Variants in CNTNAP4 observed in about 807,000 individuals in gnomAD.
The protein encoded by CNTNAP4 is contactin-associated protein-like 4.
CNTNAP4 carries 98 observed loss-of-function variants against 148.4 expected under a neutral mutation model. The observed-to-expected ratio is 0.66, with a 90% CI of 0.56 to 0.78. The LOEUF (loss-of-function observed/expected upper bound fraction) is 0.78. Ranked by LOEUF, CNTNAP4 falls within the 30% of genes least tolerant of loss-of-function variation. The pLI is 0.00. For missense variants in CNTNAP4, 1,935 were observed against 1,565.6 expected, an observed-to-expected ratio of 1.24 and a Z score of -3.98; for synonymous variants, 730 against 565.1, an observed-to-expected ratio of 1.29 and a Z score of -4.14.
intron 13 of CNTNAP4, among the ~76,000 whole-genome samples, chr16:76,494,617 C>T (rs1246415198): frequency 6.6e-6 from 1 of 152,070 alleles, no homozygotes; most frequent in Non-Finnish European, 1.5e-5. Flanking sequence ...ATGTGAGCTG[C>T]TCTCAATTCA....
At chr16:76,414,026 C>T (rs1006109314) in intron 3 of CNTNAP4, among the ~76,000 whole-genome samples, 2 of 151,294 alleles carry the variant, frequency 1.3e-5, no homozygotes, top group African/African-American at 2.4e-5. Context: ...TTCTTCCTTT[C>T]CAATCCTACT....
At chr16:76,546,222 G>A (rs2084724463) in intron 21 of CNTNAP4, among the ~76,000 whole-genome samples, 1 of 152,158 alleles carries the variant, frequency 6.6e-6, no homozygotes. Context: ...GCACTATGCA[G>A]CCACAACAAG....
rs762747845 is a variant in CNTNAP4, at chr16:76,553,451, C to G, written c.3611C>G (p.Ala1204Gly). 2 of 1,612,468 alleles carry G rather than the reference C, an allele frequency of 1.2e-6. No homozygotes were observed. The highest frequency in any genetic ancestry group is 1.1e-5 in the South Asian group (1 of 90,588). The change falls in exon 22 of 24, where the codon GCC (alanine) becomes GGC (glycine). Residue 1204 changes from alanine to glycine, a missense_variant. By Grantham distance (60) the Ala-to-Gly change is moderately conservative. Coordinates refer to ENST00000611870, the MANE Select transcript of CNTNAP4 (RefSeq NM_033401.5). ...CACGTGACTGAGTCCAGCTGTATGGCCCAGCCTGGCACTGATGCCACATCA... is the reference window on the plus strand; with the variant it reads ...CACGTGACTGAGTCCAGCTGTATGGGCCAGCCTGGCACTGATGCCACATCA... ...TGHVTESSCM[A>G]QPGTDATSRE...
At chr16:76,380,129 G>A (rs1426546027) in intron 3 of CNTNAP4, among the ~76,000 whole-genome samples, 1 of 152,134 alleles carries the variant, frequency 6.6e-6, no homozygotes, top group Non-Finnish European at 1.5e-5. Context: ...CAATTATGCT[G>A]GAAAATGTGT....
intron 15 of CNTNAP4, among the ~76,000 whole-genome samples, chr16:76,510,469 C>CTTTTTT (rs58556090): frequency 6.7e-6 from 1 of 149,274 alleles, no homozygotes. Context: ...TCCATGTATG[C>CTTTTTT]TTTTTTTTTT....
chr16:76,382,284 T>G (rs532216317), intron 3 of CNTNAP4, among the ~76,000 whole-genome samples: 157 of 152,242 alleles, frequency 1.0e-3, no homozygotes, highest in African/African-American at 3.6e-3. Context: ...ATTTGTTGTT[T>G]ATTTCAACTA....
chr16:76,522,268 T>A lies in CNTNAP4; in HGVS notation c.2755+11T>A, dbSNP rs372602288. 6.2e-6 allele frequency: 10 copies of A among 1,610,396 alleles called. No individual in the cohort carries two copies. In the African/African-American group the frequency reaches 8.0e-5, roughly 13 times the overall value. On this transcript the variant is annotated intron_variant, in intron 17 of 23. Coordinates refer to ENST00000611870, the MANE Select transcript of CNTNAP4 (RefSeq NM_033401.5). ...GTCAGCTCTTCGTGGGTAAGTTCTC[T>A]TTTTAAGCAATCATTTTATTGTATG...
intron 2 of CNTNAP4, among the ~76,000 whole-genome samples, chr16:76,336,176 A>T (rs1185598632): frequency 3.3e-5 from 5 of 152,182 alleles, no homozygotes; most frequent in African/African-American, 4.8e-5. Context: ...TAGGAACTAA[A>T]AATAGAAAAT....
chr16:76,516,360 G>T lies in CNTNAP4; in HGVS notation c.2366-4780G>T, dbSNP rs1233050398. 2.0e-5 allele frequency among the ~76,000 whole-genome samples: 3 copies of T among 152,110 alleles called. No homozygotes were observed. In the South Asian group the frequency reaches 6.2e-4, roughly 32 times the overall value. ...TCTATCATTGATGGGCATTTGGGTGGGTTCCAAGTCTTTGCCATTGTAAAT... is the reference window on the plus strand; with the variant it reads ...TCTATCATTGATGGGCATTTGGGTGTGTTCCAAGTCTTTGCCATTGTAAAT... On this transcript the variant is annotated intron_variant, in intron 15 of 23. Coordinates refer to ENST00000611870, the MANE Select transcript of CNTNAP4 (RefSeq NM_033401.5).
At chr16:76,348,856 C>CAAAA (rs1490370843) in intron 2 of CNTNAP4, among the ~76,000 whole-genome samples, 166 of 14,262 alleles carry the variant, frequency 0.012, 1 homozygote, top group Non-Finnish European at 0.017. Flanking sequence ...TTAAAAGAAG[C>CAAAA]CAAAAAAAAA....
At chr16:76,435,024 G>A (rs1312660392) in intron 4 of CNTNAP4, among the ~76,000 whole-genome samples, 1 of 152,150 alleles carries the variant, frequency 6.6e-6, no homozygotes, top group Non-Finnish European at 1.5e-5. Context: ...CCTTTCCCCA[G>A]TGCACAGTTA....
chr16:76,492,194 T>A (rs1259151302), intron 13 of CNTNAP4, among the ~76,000 whole-genome samples: 1 of 152,220 alleles, frequency 6.6e-6, no homozygotes, highest in Non-Finnish European at 1.5e-5. Context: ...ACAGAATGAT[T>A]ACTATAGTTA....
chr16:76,351,487 C>T (rs984925497), intron 2 of CNTNAP4, among the ~76,000 whole-genome samples: 1 of 152,214 alleles, frequency 6.6e-6, no homozygotes, highest in African/African-American at 2.4e-5. Context: ...GCCTAACACT[C>T]TATCACACGC....
At chr16:76,489,223 A>G (rs934357062) in intron 12 of CNTNAP4, among the ~76,000 whole-genome samples, 1 of 152,158 alleles carries the variant, frequency 6.6e-6, no homozygotes, top group African/African-American at 2.4e-5. Flanking sequence ...GAATTCTAAT[A>G]TACATTTTTT....
In CNTNAP4 at chr16:76,489,715, G is replaced by A. The variant is rs774520298; in HGVS notation, c.1912G>A (p.Gly638Ser). 1.2e-5 allele frequency: 20 copies of A among 1,602,146 alleles called. No individual in the cohort carries two copies. Among genetic ancestry groups the A allele is most frequent in the Admixed American group, 6.8e-5 (4 of 58,992 alleles). The change falls in exon 13 of 24, where the codon GGC becomes AGC. Residue 638 changes from glycine to serine, a missense_variant. Gly to Ser is a moderately conservative substitution (Grantham distance 56). Transcript: ENST00000611870. ...ETAWTIIQHN[G>S]SDLTRVRNTN... Reference sequence around the variant, plus strand: ...TGCATGGACCATCATACAGCACAACGGCTCTGACTTAACAAGAGTCAGAAA... The same window carrying A: ...TGCATGGACCATCATACAGCACAACAGCTCTGACTTAACAAGAGTCAGAAA...
chr16:76,512,186 G>T (rs985726240), intron 15 of CNTNAP4, among the ~76,000 whole-genome samples: 1 of 152,040 alleles, frequency 6.6e-6, no homozygotes, highest in Non-Finnish European at 1.5e-5. Context: ...GAAACCTGGT[G>T]GTCAGATCAG....
At chr16:76,516,250 C>G (rs188134766) in intron 15 of CNTNAP4, among the ~76,000 whole-genome samples, 1 of 152,130 alleles carries the variant, frequency 6.6e-6, no homozygotes, top group South Asian at 2.1e-4. Context: ...GATTCATCCA[C>G]GTCCCTGCAA....
chr16:76,543,672 A>G (rs1333400353), intron 21 of CNTNAP4, among the ~76,000 whole-genome samples: 1 of 151,904 alleles, frequency 6.6e-6, no homozygotes, highest in Non-Finnish European at 1.5e-5. Context: ...CATTGAGTTA[A>G]AGTCAGCCTC....
chr16:76,510,349 A>C (rs1326745210), intron 15 of CNTNAP4, among the ~76,000 whole-genome samples: 1 of 152,134 alleles, frequency 6.6e-6, no homozygotes, highest in Non-Finnish European at 1.5e-5. Flanking sequence ...TTTATGACCA[A>C]ATAATACTCC....
Sources: allele counts gnomAD v4.1 joint callset (sites outside exome capture counted in the v4.1 genomes callset), GRCh38; gene constraint gnomAD v4.1.1; transcripts MANE v1.5; gene names NCBI Gene and HGNC (gene_info 2026-07-23, HGNC 2026-07-21).